TPO: variants seen among roughly 807,000 people sequenced by gnomAD.
TPO encodes the protein thyroid peroxidase.
Under a neutral mutation model 96.9 loss-of-function variants are expected in TPO, and 78 were observed. The observed-to-expected ratio is 0.81, with a 90% CI of 0.67 to 0.97. TPO has a LOEUF of 0.97. TPO is among the 50% of genes least tolerant of loss of function. TPO has a pLI of 0.00. For missense variants in TPO, 1,252 were observed against 1,274.8 expected, an observed-to-expected ratio of 0.98 and a Z score of 0.27; for synonymous variants, 547 against 538.0, an observed-to-expected ratio of 1.02 and a Z score of -0.23.
At position 1,503,020 on chromosome 2, in the gene TPO, G is replaced by A. The variant is rs542941755; in HGVS notation, c.2387-928G>A. ...GGTCGCCTGAGCACTGCCCAGGTTCGCACATTCTCATCGTCCTGGGGTGGC... is the reference window on the plus strand; with the variant it reads ...GGTCGCCTGAGCACTGCCCAGGTTCACACATTCTCATCGTCCTGGGGTGGC... On this transcript the variant is annotated intron_variant, in intron 13 of 16. Transcript: ENST00000329066. 4.6e-5 allele frequency among the ~76,000 whole-genome samples: 7 copies of A among 152,320 alleles called. No individual in the cohort carries two copies. The East Asian group carries it at 5.8e-4, about 13-fold the overall frequency.
chr2:1,403,657 G>A (rs1024825758), intron 1 of TPO, among the ~76,000 whole-genome samples: 5 of 152,176 alleles, frequency 3.3e-5, no homozygotes, highest in Admixed American at 6.5e-5. Flanking sequence ...ACTTCAGGAC[G>A]CTTCTCTGTC....
chr2:1,456,019 T>A (rs1308402881), intron 6 of TPO, 57 bp from the exon 7 acceptor site: 21 of 1,554,142 alleles, frequency 1.4e-5, no homozygotes, highest in Middle Eastern at 1.8e-4. Flanking sequence ...CAAAGGGTCA[T>A]CTTTCTGCTA....
At chr2:1,507,140 G>A (rs919411934) in intron 14 of TPO, among the ~76,000 whole-genome samples, 19 of 152,150 alleles carry the variant, frequency 1.2e-4, no homozygotes, top group Admixed American at 8.5e-4. Context: ...ATTAAATAGG[G>A]AATCATTTCC....
intron 10 of TPO, among the ~76,000 whole-genome samples, chr2:1,491,065 G>A (rs1187208723): frequency 2.0e-5 from 3 of 152,244 alleles, no homozygotes; most frequent in East Asian, 1.9e-4. Flanking sequence ...AGCTACTTGA[G>A]AGGCTGAGGC....
chr2:1,432,670 GT>G (rs1665127918), intron 3 of TPO, among the ~76,000 whole-genome samples: 2 of 89,772 alleles, frequency 2.2e-5, no homozygotes, highest in Non-Finnish European at 4.3e-5. Flanking sequence ...TGCAGGTGGG[GT>G]GAGGCCTGCA....
intron 10 of TPO, among the ~76,000 whole-genome samples, chr2:1,491,414 G>A (rs1434506270): frequency 1.3e-5 from 2 of 152,064 alleles, no homozygotes; most frequent in Non-Finnish European, 2.9e-5. Context: ...TAACTTCGTT[G>A]TTTTTTCTTT....
At chr2:1,492,075 A>C (rs141102921) in intron 10 of TPO, among the ~76,000 whole-genome samples, 246 of 152,308 alleles carry the variant, frequency 1.6e-3, no homozygotes, top group Middle Eastern at 0.01. Context: ...GTTCCTCCTG[A>C]GGGTGAACCA....
intron 14 of TPO, among the ~76,000 whole-genome samples, chr2:1,505,142 G>A (rs144433125): frequency 6.4e-4 from 97 of 152,292 alleles, no homozygotes; most frequent in African/African-American, 2.1e-3. Flanking sequence ...GCCAGGACGC[G>A]GCTGCCCGGG....
chr2:1,458,096 C>T (rs1023358929), intron 7 of TPO, among the ~76,000 whole-genome samples: 4 of 123,178 alleles, frequency 3.2e-5, no homozygotes, highest in Non-Finnish European at 5.0e-5. Flanking sequence ...TGGGCACGTG[C>T]GTTTATGGCA....
chr2:1,392,920 A>G (rs192487169), intron 1 of TPO, among the ~76,000 whole-genome samples: 96 of 152,298 alleles, frequency 6.3e-4, no homozygotes, highest in African/African-American at 2.2e-3. Flanking sequence ...CTTAGGATGA[A>G]AATGAAATAT....
At chr2:1,519,292 C>G (rs1675012738) in intron 15 of TPO, among the ~76,000 whole-genome samples, 1 of 152,194 alleles carries the variant, frequency 6.6e-6, no homozygotes, top group Non-Finnish European at 1.5e-5. Flanking sequence ...GAGCGAGAGC[C>G]TGTTACTTGC....
intron 15 of TPO, among the ~76,000 whole-genome samples, chr2:1,529,065 A>AT (rs1677339619): frequency 7.6e-6 from 1 of 131,970 alleles, no homozygotes; most frequent in African/African-American, 3.1e-5. Flanking sequence ...AGTGTGTGCA[A>AT]CTTCCCTAAA....
intron 13 of TPO, among the ~76,000 whole-genome samples, chr2:1,499,484 T>A (rs2124968855): frequency 6.6e-6 from 1 of 152,328 alleles, no homozygotes; most frequent in Middle Eastern, 3.4e-3. Flanking sequence ...CAGGGGCCTG[T>A]CTCGGCATGG....
chr2:1,498,215 G>A (rs189268821), intron 13 of TPO, among the ~76,000 whole-genome samples: 180 of 152,326 alleles, frequency 1.2e-3, no homozygotes, highest in Non-Finnish European at 1.7e-3. Flanking sequence ...CAGACCCTCA[G>A]TCATAAAGGG....
At chr2:1,425,015 A>G (rs1425945338) in intron 3 of TPO, among the ~76,000 whole-genome samples, 1 of 95,914 alleles carries the variant, frequency 1.0e-5, no homozygotes, top group Non-Finnish European at 2.3e-5. Flanking sequence ...ATCATTTCAT[A>G]TCCTCAGAAG....
rs192625118 is a variant in TPO, at chr2:1,441,611, G to A, written c.482+5227G>A. Among the ~76,000 whole-genome samples the A allele has an allele frequency of 1.3e-3, 199 of 152,242 alleles. 1 individual carries two copies. Among genetic ancestry groups the A allele is most frequent in the Non-Finnish European group, 9.3e-4 (63 of 68,018 alleles). On this transcript the variant is annotated intron_variant, in intron 5 of 16. Coordinates refer to ENST00000329066, the MANE Select transcript of TPO (RefSeq NM_001206744.2). Reference sequence around the variant, plus strand: ...ATCCTGGACTCAGATCAGGGTCCTCGACTCTGCTGCGCTCCCAGCCAGCTG... The same window carrying A: ...ATCCTGGACTCAGATCAGGGTCCTCAACTCTGCTGCGCTCCCAGCCAGCTG...
chr2:1,440,059 C>T (rs28580848), intron 5 of TPO, among the ~76,000 whole-genome samples: 43,185 of 152,044 alleles, frequency 0.28, 6,615 homozygotes, highest in South Asian at 0.39. Flanking sequence ...CCTTCCCATC[C>T]TTGTCTGGGC....
rs374481717 is a variant in TPO, at chr2:1,433,627, C to G, written c.349+20C>G. ...CAACGGGTAATGTGTGCCCCTCTCCCCACTGAGGAGCGGCAACTCCCGAAG... is the reference window on the plus strand; with the variant it reads ...CAACGGGTAATGTGTGCCCCTCTCCGCACTGAGGAGCGGCAACTCCCGAAG... On this transcript the variant is annotated intron_variant, in intron 4 of 16. Transcript: ENST00000329066. The G allele has an allele frequency of 1.4e-5, 23 of 1,611,514 alleles. No individual in the cohort carries two copies. In the African/African-American group the frequency reaches 2.7e-4, roughly 19 times the overall value.
At position 1,526,696 on chromosome 2, in the gene TPO, C is replaced by CCCT. The variant is rs112081288; in HGVS notation, c.2618+9715_2618+9716insCTC. 2.1e-3 allele frequency among the ~76,000 whole-genome samples: 147 copies of CCCT among 71,352 alleles called. 11 individuals carry two copies. Among genetic ancestry groups the CCCT allele is most frequent in the Non-Finnish European group, 3.3e-3 (119 of 35,696 alleles). 46.8% of individuals were successfully genotyped at this position (71,352 alleles called of 152,430 possible). On this transcript the variant is annotated intron_variant, in intron 15 of 16. Transcript: ENST00000329066. ...TGTTCATCCTCCCCAAATCCCCCCC[C>CCCT]CACTGTATGCAACCTCCCCAAATCC...
Sources: gnomAD v4.1 joint callset for allele counts (sites outside exome capture counted in the v4.1 genomes callset) on GRCh38, gnomAD v4.1.1 for gene constraint, MANE v1.5 for transcripts, NCBI Gene and HGNC (gene_info 2026-07-23, HGNC 2026-07-21) for gene names.